The following MALRD1 variants were observed in gnomAD, a reference collection of about 807,000 sequenced individuals.
The protein encoded by MALRD1 is MAM and LDL-receptor class A domain-containing protein 1.
Under a neutral mutation model 242.1 loss-of-function variants are expected in MALRD1, and 247 were observed. The observed-to-expected ratio is 1.02, with a 90% CI of 0.92 to 1.13. The LOEUF (loss-of-function observed/expected upper bound fraction) is 1.13. Among genes scored for constraint, MALRD1 ranks in the 50% most tolerant of loss-of-function variants. MALRD1 has a pLI of 0.00. For missense variants in MALRD1, 2,989 were observed against 2,533.1 expected (o/e 1.18, Z -3.86); for synonymous variants, 995 against 866.6 (o/e 1.15, Z -2.60).
intron 29 of MALRD1, among the ~76,000 whole-genome samples, chr10:19,462,261 C>T (rs760297993): frequency 9.9e-5 from 15 of 152,152 alleles, no homozygotes; most frequent in South Asian, 8.3e-4. Context: ...TTTATGAAGC[C>T]GTCACACTCA....
At chr10:19,165,937 C>T in intron 13 of MALRD1, 127 bp downstream of exon 13, 1 of 583,984 alleles carries the variant, frequency 1.7e-6, no homozygotes, top group South Asian at 9.3e-5. Flanking sequence ...TAATACAATG[C>T]AACAGAAGAC....
intron 18 of MALRD1, among the ~76,000 whole-genome samples, chr10:19,237,369 T>C: frequency 6.6e-6 from 1 of 150,608 alleles, no homozygotes; most frequent in South Asian, 2.1e-4. Context: ...AGATTCCACA[T>C]ATGAGAGAGA....
chr10:19,148,788 AATAT>A (rs767384867), intron 11 of MALRD1, among the ~76,000 whole-genome samples: 6 of 88,046 alleles, frequency 6.8e-5, no homozygotes, highest in East Asian at 2.7e-4. Context: ...AAAAAAAAAA[AATAT>A]ATATATATAT....
upstream of MALRD1, among the ~76,000 whole-genome samples, chr10:19,048,224 T>C (rs1834387578): frequency 6.6e-6 from 1 of 152,208 alleles, no homozygotes; most frequent in Non-Finnish European, 1.5e-5. Context: ...TTGTATTTTC[T>C]CACATATATC....
chr10:19,712,314 A>C (rs1197732512), intron 38 of MALRD1, among the ~76,000 whole-genome samples: 1 of 152,322 alleles, frequency 6.6e-6, no homozygotes, highest in Non-Finnish European at 1.5e-5. Context: ...ATTTGTTTTT[A>C]AATAGGTTAT....
At position 19,491,515 on chromosome 10, in the gene MALRD1, A is replaced by G. The variant is rs1837491757; in HGVS notation, c.5030-2A>G. 2 of 1,549,420 alleles carry G rather than the reference A, an allele frequency of 1.3e-6. No homozygotes were observed. The highest frequency in any genetic ancestry group is 1.7e-6 in the Non-Finnish European group (2 of 1,146,566). On this transcript the variant is annotated splice_acceptor_variant, in intron 29 of 39. Coordinates refer to ENST00000454679, the MANE Select transcript of MALRD1 (RefSeq NM_001142308.3). LOFTEE classifies it high-confidence loss of function. ...TGCTTTTGTTTTTTTGTTTTTCCCT[A>G]GTGGGAGAGATCTCTGAGCTTTGTC...
chr10:19,185,917 G>T (rs1046379619), intron 14 of MALRD1, among the ~76,000 whole-genome samples: 8 of 151,752 alleles, frequency 5.3e-5, no homozygotes, highest in African/African-American at 1.9e-4. Flanking sequence ...TTTTTGGCTA[G>T]ATTGGAGATA....
chr10:19,595,480 A>T lies in MALRD1; in HGVS notation c.5944+23A>T, dbSNP rs746432105. 12 of 1,541,490 alleles carry T rather than the reference A, an allele frequency of 7.8e-6. No homozygotes were observed. The Admixed American group carries it at 2.4e-4, about 30-fold the overall frequency. ...GCTGTGAGTTATTTTCACTAACTCA[A>T]TGTGTAAGGGAAGGCATGCTGCTTT... On this transcript the variant is annotated intron_variant, in intron 34 of 39. Transcript: ENST00000454679.
chr10:19,679,802 T>A (rs889029916), intron 36 of MALRD1, among the ~76,000 whole-genome samples: 1 of 152,184 alleles, frequency 6.6e-6, no homozygotes, highest in Non-Finnish European at 1.5e-5. Context: ...GCTACAAATT[T>A]CCCTCTTAAC....
At chr10:19,547,094 G>A (rs966989869) in intron 32 of MALRD1, among the ~76,000 whole-genome samples, 1 of 152,084 alleles carries the variant, frequency 6.6e-6, no homozygotes, top group South Asian at 2.1e-4. Flanking sequence ...GCCTCTAAGT[G>A]TCGGGCTAAC....
At position 19,627,785 on chromosome 10, in the gene MALRD1, AAGGAAGAAAAAACAATAAT is replaced by A. The variant is rs1839726823; in HGVS notation, c.6137+11866_6137+11884del. ...AAAAAAAAAAAAAAAAAAAGGAAAA[AAGGAAGAAAAAACAATAAT>A]AGGCCAGGCCAGGAGGAAAATATAC... On this transcript the variant is annotated intron_variant, in intron 36 of 39. Transcript: ENST00000454679. Among the ~76,000 whole-genome samples, 4 of 149,120 alleles carry A rather than the reference AAGGAAGAAAAAACAATAAT, an allele frequency of 2.7e-5. No individual in the cohort carries two copies. The South Asian group carries it at 8.4e-4, about 31-fold the overall frequency.
chr10:19,123,277 T>C (rs1165310168), intron 5 of MALRD1, among the ~76,000 whole-genome samples: 1 of 151,506 alleles, frequency 6.6e-6, no homozygotes, highest in Non-Finnish European at 1.5e-5. Flanking sequence ...TTGTTCTGTT[T>C]TTCTCTGTCT....
intron 25 of MALRD1, among the ~76,000 whole-genome samples, chr10:19,349,659 A>G (rs1415226498): frequency 6.6e-6 from 1 of 152,166 alleles, no homozygotes; most frequent in Non-Finnish European, 1.5e-5. Flanking sequence ...ATAAAACCCA[A>G]GCACACCAGA....
At chr10:19,128,167 A>G (rs372529042) in intron 7 of MALRD1, 54 bp from the exon 8 acceptor site, 20 of 1,173,600 alleles carry the variant, frequency 1.7e-5, no homozygotes, top group Middle Eastern at 2.1e-4. Context: ...TTTTAGTCAG[A>G]CAGAAAGAAG....
intron 9 of MALRD1, among the ~76,000 whole-genome samples, chr10:19,135,014 G>A (rs763955017): frequency 1.3e-5 from 2 of 152,120 alleles, no homozygotes; most frequent in Admixed American, 1.3e-4. Flanking sequence ...TATGGGAAAA[G>A]TATGTAGCAG....
rs932632377 is a variant in MALRD1 at position 19,256,815 on chromosome 10, A to G, written c.2992-869A>G. ...TGAAAAGTAAAACTTCAACTCCCAC[A>G]TATAACATTTGTGAGGAAAATGAAA... On this transcript the variant is annotated intron_variant, in intron 18 of 39. Transcript: ENST00000454679. Among the ~76,000 whole-genome samples the G allele has an allele frequency of 5.3e-5, 8 of 152,132 alleles. No homozygotes were observed. In the South Asian group the frequency reaches 6.2e-4, roughly 12 times the overall value.
chr10:19,294,842 T>C (rs1841614373), intron 21 of MALRD1, among the ~76,000 whole-genome samples: 1 of 152,164 alleles, frequency 6.6e-6, no homozygotes, highest in African/African-American at 2.4e-5. Context: ...AGTGTTTAGA[T>C]ATAGATAAGA....
chr10:19,565,326 A>G (rs1386085861), intron 32 of MALRD1, among the ~76,000 whole-genome samples: 1 of 152,188 alleles, frequency 6.6e-6, no homozygotes, highest in Non-Finnish European at 1.5e-5. Flanking sequence ...AGAAAAATAA[A>G]CTGTAAAACC....
At chr10:19,622,078 T>G (rs1252241295) in intron 36 of MALRD1, among the ~76,000 whole-genome samples, 1 of 151,580 alleles carries the variant, frequency 6.6e-6, no homozygotes, top group Non-Finnish European at 1.5e-5. Flanking sequence ...GAGAAAACCA[T>G]AAAAAGCACT....
Sources: allele counts gnomAD v4.1 joint callset (sites outside exome capture counted in the v4.1 genomes callset), GRCh38; gene constraint gnomAD v4.1.1; transcripts MANE v1.5; gene names NCBI Gene and HGNC (gene_info 2026-07-23, HGNC 2026-07-21).